The following ATP8B4 variants were observed in gnomAD, a reference collection of about 807,000 sequenced individuals.
ATP8B4 encodes ATPase phospholipid transporting 8B4 (putative).
Under a neutral mutation model 145.6 loss-of-function variants are expected in ATP8B4, and 133 were observed. That is an observed-to-expected ratio of 0.91 (90% confidence interval 0.79 to 1.05). ATP8B4 has a LOEUF of 1.05. ATP8B4 is among the 50% of genes least tolerant of loss of function. The pLI is 0.00. For synonymous variants in ATP8B4, 507 were observed against 492.9 expected (o/e 1.03, Z -0.38); for missense variants, 1,458 against 1,425.2 (o/e 1.02, Z -0.37).
In ATP8B4 at chr15:50,086,440, TAATAA is replaced by T. The variant is rs1455985215; in HGVS notation, c.29-12260_29-12256del. 4.3e-5 allele frequency among the ~76,000 whole-genome samples: 2 copies of T among 46,318 alleles called. 1 individual carries two copies. The highest frequency in any genetic ancestry group is 6.6e-5 in the Non-Finnish European group (2 of 30,258). The allele number at this position is 46,318 out of a possible 152,430, so 30.4% of individuals were successfully genotyped here. A position where few individuals can be genotyped will look rare whatever the true frequency, so the allele number is the denominator to read the frequency against. ...TAATATAGAGATCTATAATTATATA[TAATAA>T]AATAATAGAGATCTATATTATTATA... On this transcript the variant is annotated intron_variant, in intron 2 of 27. Transcript: ENST00000284509.
At chr15:50,082,683 C>T (rs1018652657) in intron 2 of ATP8B4, among the ~76,000 whole-genome samples, 5 of 152,162 alleles carry the variant, frequency 3.3e-5, no homozygotes, top group Non-Finnish European at 7.3e-5. Context: ...AAACCCTCAG[C>T]ATGTAGCTTT....
chr15:49,915,544 C>A (rs550693517), intron 20 of ATP8B4, among the ~76,000 whole-genome samples: 7 of 151,878 alleles, frequency 4.6e-5, no homozygotes, highest in Admixed American at 1.3e-4. Context: ...TACATTCTAT[C>A]CATATAATAA....
chr15:50,028,439 C>T (rs897828587), intron 6 of ATP8B4, among the ~76,000 whole-genome samples: 2 of 152,130 alleles, frequency 1.3e-5, no homozygotes, highest in Non-Finnish European at 2.9e-5. Context: ...CAACTAGGCT[C>T]CCAAAACCTA....
chr15:49,979,788 C>A lies in ATP8B4; in HGVS notation c.863G>T (p.Gly288Val). The A allele has an allele frequency of 6.3e-7, 1 of 1,597,492 alleles. No individual in the cohort carries two copies. The highest frequency in any genetic ancestry group is 8.5e-7 in the Non-Finnish European group (1 of 1,170,614). ...LWIFGFLICL[G>V]IILAIGNSIW... ...TGAATTTCCTATTGCAAGAATAATT[C>A]CCAAGCATATCAGAAACCCAAAAAT... Residue 288 changes from glycine (G) to valine (V), a missense_variant, in exon 12 of 28, where the codon GGA becomes GTA. Transcript: ENST00000284509.
intron 14 of ATP8B4, 59 bp downstream of exon 14, chr15:49,961,918 C>T: frequency 1.4e-6 from 2 of 1,407,394 alleles, no homozygotes; most frequent in Non-Finnish European, 1.9e-6. Context: ...TTATCATTTT[C>T]TTAAAAGTAC....
At chr15:50,097,516 T>C (rs888517038) in intron 2 of ATP8B4, among the ~76,000 whole-genome samples, 2 of 152,238 alleles carry the variant, frequency 1.3e-5, no homozygotes, top group Non-Finnish European at 2.9e-5. Context: ...GAAGTCGTTG[T>C]AAATGCCTGA....
At chr15:49,920,528 T>G (rs2040163645) in intron 17 of ATP8B4, 118 bp from the exon 18 acceptor site, 1 of 1,128,838 alleles carries the variant, frequency 8.9e-7, no homozygotes, top group East Asian at 2.6e-5. Flanking sequence ...CCAAGAGCAC[T>G]GCTTGGCTAT....
intron 16 of ATP8B4, among the ~76,000 whole-genome samples, chr15:49,926,094 A>G (rs2040695812): frequency 6.6e-6 from 1 of 151,868 alleles, no homozygotes; most frequent in South Asian, 2.1e-4. Context: ...CATCATTTCT[A>G]TGGCTTCAGG....
chr15:49,983,806 C>G (rs574428936), intron 10 of ATP8B4, among the ~76,000 whole-genome samples: 9 of 152,208 alleles, frequency 5.9e-5, no homozygotes, highest in Non-Finnish European at 1.2e-4. Flanking sequence ...CCATATCCAT[C>G]CCTATCCTCT....
intron 14 of ATP8B4, among the ~76,000 whole-genome samples, chr15:49,957,018 C>T (rs943446230): frequency 6.6e-6 from 1 of 151,698 alleles, no homozygotes; most frequent in Non-Finnish European, 1.5e-5. Context: ...AAACAAAATG[C>T]AAATATTACA....
chr15:50,074,834 G>A (rs2054074807), intron 2 of ATP8B4, among the ~76,000 whole-genome samples: 2 of 152,170 alleles, frequency 1.3e-5, no homozygotes, highest in African/African-American at 4.8e-5. Flanking sequence ...AATTTGCAGA[G>A]GGCAAGATAA....
chr15:50,098,161 GC>G (rs1567355643), intron 2 of ATP8B4, among the ~76,000 whole-genome samples: 1 of 150,510 alleles, frequency 6.6e-6, no homozygotes, highest in Non-Finnish European at 1.5e-5. Flanking sequence ...TTATGTCACA[GC>G]CATCTAAATT....
intron 24 of ATP8B4, 81 bp downstream of exon 24, chr15:49,879,295 T>A (rs2035009842): frequency 8.0e-7 from 1 of 1,246,744 alleles, no homozygotes; most frequent in Non-Finnish European, 1.1e-6. Context: ...CTACTTAGAA[T>A]TGTGTTTTCT....
intron 5 of ATP8B4, among the ~76,000 whole-genome samples, chr15:50,042,293 T>C (rs2051355634): frequency 6.6e-6 from 1 of 152,194 alleles, no homozygotes; most frequent in Non-Finnish European, 1.5e-5. Flanking sequence ...GACACATGCA[T>C]TATTTGTGTG....
chr15:50,056,734 CA>C (rs2052633783), intron 3 of ATP8B4, among the ~76,000 whole-genome samples: 2 of 151,150 alleles, frequency 1.3e-5, no homozygotes, highest in Non-Finnish European at 2.9e-5. Flanking sequence ...CACACACACA[CA>C]CACCTATAGC....
intron 8 of ATP8B4, among the ~76,000 whole-genome samples, chr15:50,001,030 T>A (rs1232874983): frequency 1.3e-5 from 2 of 152,104 alleles, no homozygotes; most frequent in East Asian, 3.8e-4. Context: ...CCATGGTTCA[T>A]GCATAATATG....
chr15:50,181,302 TC>T (rs2044843992), intron 1 of ATP8B4, among the ~76,000 whole-genome samples: 1 of 152,216 alleles, frequency 6.6e-6, no homozygotes, highest in Admixed American at 6.5e-5. Context: ...AGCATTCACT[TC>T]GTACAGAAGT....
intron 16 of ATP8B4, 76 bp from the exon 17 acceptor site, chr15:49,923,570 G>C (rs758263821): frequency 2.9e-5 from 30 of 1,033,986 alleles, no homozygotes; most frequent in Non-Finnish European, 4.3e-5. Context: ...CAGAGCTCCA[G>C]CCTGGCAATT....
At chr15:50,133,415 C>CA (rs56780721) in intron 1 of ATP8B4, among the ~76,000 whole-genome samples, 15,079 of 147,858 alleles carry the variant, frequency 0.1, 937 homozygotes, top group Middle Eastern at 0.19. Flanking sequence ...TTCATCTCTA[C>CA]AAAAAAAAAA....
Sources: allele counts gnomAD v4.1 joint callset (sites outside exome capture counted in the v4.1 genomes callset), GRCh38; gene constraint gnomAD v4.1.1; transcripts MANE v1.5; gene names NCBI Gene and HGNC (gene_info 2026-07-23, HGNC 2026-07-21).